MAJIN: variants seen among roughly 807,000 people sequenced by gnomAD.
MAJIN encodes membrane-anchored junction protein.
Under a neutral mutation model 30.2 loss-of-function variants are expected in MAJIN, and 27 were observed. That is an observed-to-expected ratio of 0.89 (90% CI 0.66 to 1.23). The LOEUF is 1.23. Ranked by LOEUF, MAJIN falls within the 50% of genes most tolerant of loss-of-function variation. The probability of loss-of-function intolerance (pLI) is 0.00; values close to 1 mark genes in which losing one functional copy is unlikely to be tolerated. For synonymous variants in MAJIN, 78 were observed against 91.6 expected (o/e 0.85, Z 0.85); for missense variants, 253 against 260.3 (o/e 0.97, Z 0.19).
intron 1 of MAJIN, among the ~76,000 whole-genome samples, chr11:64,966,431 AGG>A (rs1319366573): frequency 1.3e-5 from 2 of 152,024 alleles, no homozygotes; most frequent in Admixed American, 1.3e-4. Flanking sequence ...GATACTCGGG[AGG>A]CTGAGGTAGG....
chr11:64,946,245 G>A (rs1789457229), intron 8 of MAJIN: 2 of 1,370,564 alleles, frequency 1.5e-6, no homozygotes, highest in Non-Finnish European at 1.9e-6. Flanking sequence ...TATTTCAGCA[G>A]GTTGGCTATT....
chr11:64,948,623 ATATATATATATATATATTTT>A (rs1945492859), intron 6 of MAJIN, among the ~76,000 whole-genome samples: 1 of 38,382 alleles, frequency 2.6e-5, no homozygotes, highest in Admixed American at 5.0e-4. Context: ...ATATATATAT[ATATATATATATATATATTTT>A]TTTTTTTTTT....
At position 64,964,095 on chromosome 11, in the gene MAJIN, CA is replaced by C. The variant is rs549643061; in HGVS notation, c.-64-3961del. 4.6e-5 allele frequency among the ~76,000 whole-genome samples: 7 copies of C among 152,214 alleles called. No homozygotes were observed. The South Asian group carries it at 1.5e-3, about 32-fold the overall frequency. On this transcript the variant is annotated intron_variant, in intron 1 of 10. Transcript: ENST00000301896. ...CGTAGCTGGGATTACAGGCATGCAC[CA>C]TCACACCTAAATTTTGTATTTTTTT...
intron 6 of MAJIN, among the ~76,000 whole-genome samples, chr11:64,948,631 ATATATATATTTTTTTTTTTTTTT>A (rs1945495814): frequency 4.9e-5 from 2 of 40,676 alleles, no homozygotes; most frequent in African/African-American, 3.0e-4. Flanking sequence ...ATATATATAT[ATATATATATTTTTTTTTTTTTTT>A]TTTTTTTTTT....
At chr11:64,964,070 C>T (rs1006283363) in intron 1 of MAJIN, among the ~76,000 whole-genome samples, 4 of 152,118 alleles carry the variant, frequency 2.6e-5, no homozygotes, top group Non-Finnish European at 5.9e-5. Context: ...CAGCCTCCCA[C>T]GTAGCTGGGA....
At chr11:64,951,864 T>C (rs1345595101) in intron 4 of MAJIN, among the ~76,000 whole-genome samples, 1 of 152,172 alleles carries the variant, frequency 6.6e-6, no homozygotes, top group Non-Finnish European at 1.5e-5. Flanking sequence ...CTAATATTTA[T>C]TGAGTAATTA....
chr11:64,967,778 G>A (rs573673311), intron 1 of MAJIN, among the ~76,000 whole-genome samples: 1 of 152,262 alleles, frequency 6.6e-6, no homozygotes, highest in Admixed American at 6.5e-5. Flanking sequence ...AATATGGTAA[G>A]TAACAAGAGA....
intron 8 of MAJIN, among the ~76,000 whole-genome samples, chr11:64,945,876 T>G (rs1339730816): frequency 1.3e-5 from 2 of 152,244 alleles, no homozygotes; most frequent in African/African-American, 4.8e-5. Context: ...TCGATGCGTG[T>G]ATTATGCAGC....
intron 8 of MAJIN, among the ~76,000 whole-genome samples, chr11:64,940,963 T>G (rs1031445800): frequency 1.3e-5 from 2 of 148,812 alleles, no homozygotes; most frequent in Non-Finnish European, 3.0e-5. Flanking sequence ...CTCAGCCTCC[T>G]GAGTAGCTGG....
chr11:64,951,777 A>C (rs959728560), intron 4 of MAJIN, among the ~76,000 whole-genome samples: 46 of 152,096 alleles, frequency 3.0e-4, no homozygotes, highest in Admixed American at 3.0e-3. Flanking sequence ...AAAAAAAAAA[A>C]AAAAAAAAAG....
At chr11:64,964,627 C>G (rs909117887) in intron 1 of MAJIN, among the ~76,000 whole-genome samples, 9 of 151,134 alleles carry the variant, frequency 6.0e-5, no homozygotes, top group African/African-American at 9.8e-5. Flanking sequence ...CAGAGTCTCA[C>G]TCTGTCACCC....
In MAJIN at chr11:64,938,389, C is replaced by T; in HGVS notation, c.*186G>A. On this transcript the variant is annotated 3_prime_UTR_variant, in exon 11 of 11. Transcript: ENST00000301896. The stretch of plus-strand genomic sequence containing the variant: ...TAAAGGGGCAAAGGACACGATAAAA[C>T]CACAGAGGACTCAGCATGGGGACCT... 1.1e-6 allele frequency: 1 copy of T among 940,714 alleles called. No individual in the cohort carries two copies. The highest frequency in any genetic ancestry group is 1.6e-6 in the Non-Finnish European group (1 of 619,010). 58.3% of individuals were successfully genotyped at this position (940,714 alleles called of 1,614,324 possible).
At chr11:64,959,968 CAT>C (rs1252826665) in intron 2 of MAJIN, 119 bp downstream of exon 2, 3 of 152,460 alleles carry the variant, frequency 2.0e-5, no homozygotes, top group African/African-American at 7.2e-5. Flanking sequence ...GATGTACACT[CAT>C]GTTTTTGAGT....
intron 10 of MAJIN, among the ~76,000 whole-genome samples, chr11:64,939,403 G>A (rs1945338998): frequency 2.0e-5 from 3 of 152,206 alleles, no homozygotes; most frequent in Non-Finnish European, 4.4e-5. Flanking sequence ...CCTGGCCCAA[G>A]TTAATGTTTA....
chr11:64,947,591 G>GT (rs1945470818), intron 7 of MAJIN, 126 bp from the exon 8 acceptor site: 3 of 1,070,788 alleles, frequency 2.8e-6, no homozygotes, highest in Admixed American at 2.1e-5. Flanking sequence ...AGCTTTGCAA[G>GT]TAAGAATAGA....
At chr11:64,940,859 G>C (rs1433651827) in intron 8 of MAJIN, among the ~76,000 whole-genome samples, 3 of 29,456 alleles carry the variant, frequency 1.0e-4, no homozygotes, top group East Asian at 3.0e-3. Flanking sequence ...TTTTTTTTGA[G>C]ACTGAATCTC....
intron 8 of MAJIN, among the ~76,000 whole-genome samples, chr11:64,946,841 A>G (rs1471912618): frequency 1.3e-5 from 2 of 152,182 alleles, no homozygotes; most frequent in African/African-American, 4.8e-5. Context: ...CACAATAAAA[A>G]TATGTTAGGG....
chr11:64,957,101 A>G (rs1945648337), intron 3 of MAJIN, among the ~76,000 whole-genome samples: 1 of 147,952 alleles, frequency 6.8e-6, no homozygotes, highest in East Asian at 2.0e-4. Context: ...AAGTTGAGAC[A>G]AGGTCTCACT....
rs752690898 is a variant in MAJIN, at chr11:64,947,376, G to A, written c.471C>T (p.Asp157=). The A allele has an allele frequency of 1.9e-5, 31 of 1,612,764 alleles. No individual in the cohort carries two copies. In the East Asian group the frequency reaches 6.9e-4, roughly 36 times the overall value. ...GCCTCTCTCCCCACACCACTGACCT[G>A]TCCAGCCCTGGCCTGCTGGGGGAGC... is the stretch of plus-strand genomic sequence containing the variant. The part of the protein sequence containing the change: ...EPSSPSRPGL[D]RIGKEKPNKD... The change falls in exon 8 of 11, where the codon GAC becomes GAT. Residue 157 remains aspartate (D), a splice_region_variant and synonymous_variant. Transcript: ENST00000301896.
Sources: allele counts gnomAD v4.1 joint callset (sites outside exome capture counted in the v4.1 genomes callset), GRCh38; gene constraint gnomAD v4.1.1; transcripts MANE v1.5; gene names NCBI Gene and HGNC (gene_info 2026-07-23, HGNC 2026-07-21).